The following NGEF variants were observed in gnomAD, a reference collection of about 807,000 sequenced individuals.
The protein encoded by NGEF is neuronal guanine nucleotide exchange factor, also known as ephexin-1.
A neutral mutation model predicts 80.9 loss-of-function variants in NGEF; 31 were observed. The observed-to-expected ratio is 0.38, with a 90% CI of 0.29 to 0.52. The LOEUF is 0.52. Ranked by LOEUF, NGEF falls within the 20% of genes least tolerant of loss-of-function variation. NGEF has a pLI of 0.84. For synonymous variants in NGEF, 371 were observed against 370.2 expected, an observed-to-expected ratio of 1.00 and a Z score of -0.03; for missense variants, 709 against 926.2, an observed-to-expected ratio of 0.77 and a Z score of 3.04.
Position 232,885,174 on chromosome 2 carries a change from G to T in NGEF, c.1437+106C>A. On this transcript the variant is annotated intron_variant, in intron 10 of 14. Transcript: ENST00000264051. The stretch of plus-strand genomic sequence containing the variant: ...AGAGGGGATCCTAAGTGTGGCCAGT[G>T]ACCAAGGACCTAAGCAAGGCCAGCC... The T allele has an allele frequency of 2.0e-6, 2 of 1,004,366 alleles. No homozygotes were observed. The highest frequency in any genetic ancestry group is 1.6e-5 in the African/African-American group (1 of 62,866). 62.2% of individuals were successfully genotyped at this position (1,004,366 alleles called of 1,614,324 possible). A position where few individuals can be genotyped will look rare whatever the true frequency, so the allele number is the denominator to read the frequency against.
rs186887757 is a variant in NGEF, at chr2:232,958,466, A to G, written c.383+11748T>C. Among the ~76,000 whole-genome samples the G allele has an allele frequency of 3.9e-4, 60 of 152,266 alleles. No homozygotes were observed. In the East Asian group the frequency reaches 0.011, roughly 27 times the overall value. On this transcript the variant is annotated intron_variant, in intron 3 of 14. Coordinates refer to ENST00000264051, the MANE Select transcript of NGEF (RefSeq NM_019850.3). ...AGCTTCTGCCCGGGAGTCGGCATGC[A>G]TGCATTTACTCATTCATCAATCATT...
chr2:232,993,214 G>GA (rs1694708086), intron 1 of NGEF, among the ~76,000 whole-genome samples: 1 of 32,040 alleles, frequency 3.1e-5, no homozygotes, highest in South Asian at 1.9e-3. Flanking sequence ...ATATTTGCCC[G>GA]TATAGATACA....
At position 232,878,758 on chromosome 2, in the gene NGEF, A is replaced by G. The variant is rs1299044771; in HGVS notation, c.*731T>C. 1 of 152,660 alleles carries G rather than the reference A, an allele frequency of 6.6e-6. No individual in the cohort carries two copies. The highest frequency in any genetic ancestry group is 1.5e-5 in the Non-Finnish European group (1 of 68,054). The allele number at this position is 152,660 out of a possible 1,614,324, so 9.5% of individuals were successfully genotyped here. ...GCCAAAAGTGATATTTGCTTTTCTC[A>G]GAACCATAATCGATACAAGATGCAG... On this transcript the variant is annotated 3_prime_UTR_variant, in exon 15 of 15. Transcript: ENST00000264051.
rs60179308 is a variant in NGEF, at chr2:232,938,741, GAAAAAA to G, written c.384-11561_384-11556del. Among the ~76,000 whole-genome samples the G allele has an allele frequency of 1.6e-4, 19 of 121,172 alleles. No individual in the cohort carries two copies. The Middle Eastern group carries it at 0.014, about 89-fold the overall frequency. 79.5% of individuals were successfully genotyped at this position (121,172 alleles called of 152,430 possible). ...GCAACATAGTGAGACCCTGTCTTAA[GAAAAAA>G]AAAAAAAAAAAGGAAATAAATACAG... On this transcript the variant is annotated intron_variant, in intron 3 of 14. Coordinates refer to ENST00000264051, the MANE Select transcript of NGEF (RefSeq NM_019850.3).
At chr2:232,985,624 G>T (rs920835768) in intron 1 of NGEF, among the ~76,000 whole-genome samples, 1 of 152,036 alleles carries the variant, frequency 6.6e-6, no homozygotes, top group Non-Finnish European at 1.5e-5. Context: ...TTGGCGGCGG[G>T]TACCTGTAGT....
chr2:232,978,691 C>T (rs1694347114), intron 1 of NGEF, among the ~76,000 whole-genome samples: 1 of 151,910 alleles, frequency 6.6e-6, no homozygotes, highest in Admixed American at 6.6e-5. Context: ...CGCCCCCAGC[C>T]CCGGCAACCA....
intron 5 of NGEF, among the ~76,000 whole-genome samples, chr2:232,918,817 C>T (rs1389036651): frequency 6.6e-6 from 1 of 151,620 alleles, no homozygotes; most frequent in African/African-American, 2.4e-5. Context: ...TTAGTAGAGA[C>T]TGGGTTTCAC....
In NGEF at chr2:232,906,891, A is replaced by T. The variant is rs370894931; in HGVS notation, c.829-11975T>A. Reference sequence around the variant, plus strand: ...TGATCTATGACCTTACCCCCAACCCAGTGCTCTCTGAAACATGTGCTGTGT... The same window carrying T: ...TGATCTATGACCTTACCCCCAACCCTGTGCTCTCTGAAACATGTGCTGTGT... On this transcript the variant is annotated intron_variant, in intron 5 of 14. Transcript: ENST00000264051. Among the ~76,000 whole-genome samples, 56 of 149,650 alleles carry T rather than the reference A, an allele frequency of 3.7e-4. No homozygotes were observed. In the East Asian group the frequency reaches 4.1e-3, roughly 11 times the overall value.
Position 232,974,719 on chromosome 2 carries a change from G to A in NGEF, c.172C>T (p.Pro58Ser). Residue 58 changes from proline to serine, a missense_variant, in exon 2 of 15, where the codon CCA (proline) becomes TCA (serine). Pro to Ser is a moderately conservative substitution (Grantham distance 74, BLOSUM62 -1). This residue lies in a region of NGEF where 283 missense variants were observed against 303.4 expected (regional missense o/e 0.93). Transcript: ENST00000264051. ...IQDKEPHCHI[P>S]IKRNSIFNRS... ...TTGAAGATGGAATTTCTCTTAATTGGGATGTGGCAATGAGGCTCTTTGTCT... is the reference window on the plus strand; with the variant it reads ...TTGAAGATGGAATTTCTCTTAATTGAGATGTGGCAATGAGGCTCTTTGTCT... 6.2e-7 allele frequency: 1 copy of A among 1,614,232 alleles called. No homozygotes were observed.
intron 4 of NGEF, among the ~76,000 whole-genome samples, chr2:232,926,304 T>G (rs1370520164): frequency 6.6e-6 from 1 of 151,598 alleles, no homozygotes; most frequent in Non-Finnish European, 1.5e-5. Flanking sequence ...GTGCCTCTCC[T>G]GACGACATGA....
intron 1 of NGEF, among the ~76,000 whole-genome samples, chr2:232,993,181 A>AAT (rs1402156037): frequency 2.4e-5 from 2 of 84,344 alleles, no homozygotes; most frequent in Non-Finnish European, 4.8e-5. Flanking sequence ...TATATAAATA[A>AAT]ATATATATAT....
intron 1 of NGEF, among the ~76,000 whole-genome samples, chr2:232,988,829 C>CA (rs1694594761): frequency 6.6e-6 from 1 of 151,032 alleles, no homozygotes; most frequent in Non-Finnish European, 1.5e-5. Flanking sequence ...GTTGTAAAAG[C>CA]AAAAAAGAGG....
chr2:232,916,149 G>GA (rs1234265096), intron 5 of NGEF, among the ~76,000 whole-genome samples: 4 of 152,184 alleles, frequency 2.6e-5, no homozygotes, highest in African/African-American at 9.6e-5. Flanking sequence ...TATCAAAATG[G>GA]AAAAAGGATT....
chr2:232,892,543 C>T lies in NGEF; in HGVS notation c.1142+355G>A, dbSNP rs1299598021. Among the ~76,000 whole-genome samples, 1 of 152,210 alleles carries T rather than the reference C, an allele frequency of 6.6e-6. No individual in the cohort carries two copies. The highest frequency in any genetic ancestry group is 1.5e-5 in the Non-Finnish European group (1 of 68,042). On this transcript the variant is annotated intron_variant, in intron 7 of 14. Transcript: ENST00000264051. The surrounding 1 kb of genome is among the most constrained non-coding windows in gnomAD (Gnocchi z 4.0). ...CCCTTGTCGCTAGTTCAAGCCCCGTCTCTGATGTCCTGGGCTTTGAATTGT... is the reference window on the plus strand; with the variant it reads ...CCCTTGTCGCTAGTTCAAGCCCCGTTTCTGATGTCCTGGGCTTTGAATTGT...
intron 9 of NGEF, 141 bp downstream of exon 9, chr2:232,887,892 T>C (rs781637422): frequency 6.8e-6 from 5 of 731,586 alleles, no homozygotes; most frequent in Non-Finnish European, 1.2e-5. Context: ...CAGTGACTCT[T>C]TTGATTGCAA....
rs557302051 is a variant in NGEF at position 232,968,428 on chromosome 2, C to T, written c.383+1786G>A. On this transcript the variant is annotated intron_variant, in intron 3 of 14. Transcript: ENST00000264051. The stretch of plus-strand genomic sequence containing the variant: ...TTTTATTTTATTTTATTTTTTGAGA[C>T]GGAGTCTCGCTCTGTTGCGCAGGCT... Among the ~76,000 whole-genome samples the T allele has an allele frequency of 9.6e-5, 14 of 145,112 alleles. No individual in the cohort carries two copies. In the East Asian group the frequency reaches 1.8e-3, roughly 19 times the overall value.
At chr2:232,941,075 T>C (rs151034589) in intron 3 of NGEF, among the ~76,000 whole-genome samples, 1 of 152,008 alleles carries the variant, frequency 6.6e-6, no homozygotes, top group African/African-American at 2.4e-5. Context: ...GATAATTTGG[T>C]GGGTGGGGAA....
intron 2 of NGEF, among the ~76,000 whole-genome samples, chr2:232,972,767 T>C (rs1351159528): frequency 8.3e-5 from 12 of 144,272 alleles, no homozygotes; most frequent in African/African-American, 2.6e-4. Flanking sequence ...TTTTTTTTTT[T>C]TTTTTTTGAG....
intron 1 of NGEF, among the ~76,000 whole-genome samples, chr2:232,987,960 G>A (rs1359632383): frequency 6.6e-6 from 1 of 152,076 alleles, no homozygotes; most frequent in East Asian, 1.9e-4. Flanking sequence ...GACCCAAGCT[G>A]GAGAAGGGAT....
Sources: allele counts gnomAD v4.1 joint callset (sites outside exome capture counted in the v4.1 genomes callset), GRCh38; gene constraint gnomAD v4.1.1; regional missense constraint gnomAD v4.1.1; non-coding constraint Gnocchi (gnomAD v3.1); transcripts MANE v1.5; gene names NCBI Gene and HGNC (gene_info 2026-07-23, HGNC 2026-07-21).